The following LOXHD1 variants were observed in gnomAD, a reference collection of about 807,000 sequenced individuals.
LOXHD1 encodes lipoxygenase homology PLAT domains 1.
LOXHD1 carries 205 observed loss-of-function variants against 248.2 expected under a neutral mutation model. That is an observed-to-expected ratio of 0.83 (90% CI 0.74 to 0.93). The LOEUF is 0.93. LOXHD1 is among the 40% of genes least tolerant of loss of function. LOXHD1 has a pLI of 0.00. For synonymous variants in LOXHD1, 1,113 were observed against 1,162.8 expected (o/e 0.96, Z 0.87); for missense variants, 2,930 against 2,971.6 (o/e 0.99, Z 0.33).
chr18:46,594,581 G>T, intron 8 of LOXHD1, 115 bp from the exon 9 acceptor site: 1 of 1,246,364 alleles, frequency 8.0e-7, no homozygotes, highest in Non-Finnish European at 1.1e-6. Flanking sequence ...GGACTCTCAA[G>T]GAATGGCACC....
intron 34 of LOXHD1, among the ~76,000 whole-genome samples, chr18:46,510,505 G>A (rs995780035): frequency 2.6e-5 from 4 of 152,154 alleles, no homozygotes; most frequent in Non-Finnish European, 5.9e-5. Flanking sequence ...CCACAGTGCC[G>A]CATGTACAAT....
rs2143822989 is a variant in LOXHD1, at chr18:46,546,965, C to T, written c.3444G>A (p.Leu1148=). ...CTCCCCTACCCTCCTCGCTCTGTGG[C>T]AGCACATAGGACTCATCCACTGGCA... ...ELLPVDESYV[L]PQSEEGRGGG... Residue 1148 remains leucine, a synonymous_variant, in exon 22 of 41, where the codon CTG becomes CTA. Transcript: ENST00000642948. 1 of 1,551,744 alleles carries T rather than the reference C, an allele frequency of 6.4e-7. No individual in the cohort carries two copies. The highest frequency in any genetic ancestry group is 8.7e-7 in the Non-Finnish European group (1 of 1,146,992).
chr18:46,564,881 G>A (rs900670027), intron 17 of LOXHD1, among the ~76,000 whole-genome samples: 15 of 152,276 alleles, frequency 9.9e-5, no homozygotes, highest in Admixed American at 2.6e-4. Flanking sequence ...TTCTGGGAGC[G>A]GGAGAGGTGA....
chr18:46,519,687 C>G (rs1208527328), intron 33 of LOXHD1, among the ~76,000 whole-genome samples: 1 of 152,202 alleles, frequency 6.6e-6, no homozygotes, highest in Non-Finnish European at 1.5e-5. Flanking sequence ...AGTGCTTCAG[C>G]TGCCCCATGG....
rs1404338979 is a variant in LOXHD1, at chr18:46,545,424, G to T, written c.3515-3C>A. ...CACTGAGAATGTGGTAGATTTATCT[G>T]CCAAGAGAATAGTATAGAGCAATGA... On this transcript the variant is annotated splice_region_variant and splice_polypyrimidine_tract_variant and intron_variant, in intron 22 of 40. Transcript: ENST00000642948. The T allele has an allele frequency of 2.6e-6, 4 of 1,538,716 alleles. No individual in the cohort carries two copies. Among genetic ancestry groups the T allele is most frequent in the Non-Finnish European group, 3.5e-6 (4 of 1,134,892 alleles).
intron 39 of LOXHD1, among the ~76,000 whole-genome samples, chr18:46,484,524 G>T (rs988850278): frequency 7.2e-5 from 11 of 152,180 alleles, no homozygotes; most frequent in Non-Finnish European, 1.5e-4. Context: ...TGGTGCCTTG[G>T]TCCTGGACTC....
At chr18:46,640,206 C>T (rs922445684) in intron 3 of LOXHD1, among the ~76,000 whole-genome samples, 1 of 152,102 alleles carries the variant, frequency 6.6e-6, no homozygotes, top group Non-Finnish European at 1.5e-5. Flanking sequence ...TGATATCCAG[C>T]TGAGTCAAGG....
At chr18:46,501,471 G>C (rs2034226958) in intron 37 of LOXHD1, among the ~76,000 whole-genome samples, 1 of 152,228 alleles carries the variant, frequency 6.6e-6, no homozygotes, top group South Asian at 2.1e-4. Flanking sequence ...CTAAATGCAA[G>C]AAGGCTGTAA....
At chr18:46,632,921 C>A (rs2038845679) in intron 4 of LOXHD1, among the ~76,000 whole-genome samples, 1 of 152,170 alleles carries the variant, frequency 6.6e-6, no homozygotes, top group African/African-American at 2.4e-5. Flanking sequence ...GGCAGCCAGC[C>A]AAGACTGGGG....
At chr18:46,560,047 C>CT in intron 19 of LOXHD1, 36 bp downstream of exon 19, 4 of 1,238,562 alleles carry the variant, frequency 3.2e-6, no homozygotes, top group South Asian at 1.4e-5. Context: ...TGTCTGGCCA[C>CT]TCCCTCCCCA....
At chr18:46,534,227 T>C in intron 27 of LOXHD1, 108 bp downstream of exon 27, 1 of 687,926 alleles carries the variant, frequency 1.5e-6, no homozygotes, top group South Asian at 2.1e-5. Context: ...ATGAGATTTT[T>C]ATCTCAATAA....
chr18:46,632,164 G>A (rs1487217867), intron 4 of LOXHD1, among the ~76,000 whole-genome samples: 2 of 152,196 alleles, frequency 1.3e-5, no homozygotes, highest in Non-Finnish European at 2.9e-5. Context: ...GATACTACTT[G>A]TAAAATGTAT....
Position 46,533,161 on chromosome 18 carries a change from C to T in LOXHD1, c.4375+1G>A. On this transcript the variant is annotated splice_donor_variant, in intron 28 of 40. Transcript: ENST00000642948. LOFTEE classifies it high-confidence loss of function. ...GATGAGGGTGGCCACACCACACTTA[C>T]TGTCCAGAGGCTCTTCTACTTCCTT... The T allele has an allele frequency of 6.4e-7, 1 of 1,551,688 alleles. No homozygotes were observed.
At chr18:46,545,497 C>T in intron 22 of LOXHD1, 76 bp from the exon 23 acceptor site, 2 of 1,107,518 alleles carry the variant, frequency 1.8e-6, no homozygotes, top group Non-Finnish European at 2.7e-6. Context: ...ACAGCCACCT[C>T]CTCTAGAAGG....
chr18:46,536,144 G>A (rs77249341), intron 26 of LOXHD1, among the ~76,000 whole-genome samples: 8,376 of 152,250 alleles, frequency 0.055, 318 homozygotes, highest in Non-Finnish European at 0.09. Context: ...TACTAACTAC[G>A]TCTTGGAAAT....
chr18:46,493,852 T>A (rs1224410737), intron 37 of LOXHD1, among the ~76,000 whole-genome samples: 2 of 152,188 alleles, frequency 1.3e-5, no homozygotes, highest in East Asian at 3.9e-4. Flanking sequence ...AGGGCCCAAC[T>A]CTGTGTTTAC....
intron 37 of LOXHD1, among the ~76,000 whole-genome samples, chr18:46,496,492 C>T (rs1243834132): frequency 1.3e-5 from 2 of 151,974 alleles, no homozygotes; most frequent in African/African-American, 4.8e-5. Flanking sequence ...CGTGTCTATG[C>T]AAGGGAAGCA....
At chr18:46,566,695 G>T (rs1568190300) in intron 16 of LOXHD1, among the ~76,000 whole-genome samples, 1 of 152,160 alleles carries the variant, frequency 6.6e-6, no homozygotes, top group Admixed American at 6.5e-5. Context: ...ACCTCCCAGG[G>T]CCATAGTGAG....
In LOXHD1 at chr18:46,522,145, AC is replaced by A; in HGVS notation, c.5040del (p.Glu1680AspfsTer15). ...CCCACATCCAAGCCTGCGACGTAGAACTCCTCCACAGAGCCACGGCTGAAGC... is the reference window on the plus strand; with the variant it reads ...CCCACATCCAAGCCTGCGACGTAGAATCCTCCACAGAGCCACGGCTGAAGC... Reference protein sequence around the residue: ...KRGFSRGSVEEFYVAGLDVGI... With the variant: ...KRGFSRGSVEXFYVAGLDVGI... On this transcript the variant is annotated frameshift_variant, in exon 32 of 41. Transcript: ENST00000642948. LOFTEE classifies it high-confidence loss of function. 5.2e-6 allele frequency: 8 copies of A among 1,550,590 alleles called. No individual in the cohort carries two copies. The highest frequency in any genetic ancestry group is 6.1e-6 in the Non-Finnish European group (7 of 1,146,680).
Sources: allele counts gnomAD v4.1 joint callset (sites outside exome capture counted in the v4.1 genomes callset), GRCh38; gene constraint gnomAD v4.1.1; transcripts MANE v1.5; gene names NCBI Gene and HGNC (gene_info 2026-07-23, HGNC 2026-07-21).